PPM1L: variants seen among roughly 807,000 people sequenced by gnomAD.
The protein encoded by PPM1L is protein phosphatase 1L.
PPM1L carries 13 observed loss-of-function variants against 31.4 expected under a neutral mutation model. The ratio of observed to expected loss-of-function variants is 0.41; its 90% confidence interval spans 0.27 to 0.66. The LOEUF (loss-of-function observed/expected upper bound fraction) is 0.66, where lower values mean the gene tolerates loss of function less well. Ranked by LOEUF, PPM1L falls within the 30% of genes least tolerant of loss-of-function variation. PPM1L has a pLI of 0.29. For synonymous variants in PPM1L, 184 were observed against 175.4 expected (o/e 1.05, Z -0.39); for missense variants, 326 against 453.7 (o/e 0.72, Z 2.56).
At chr3:161,015,642 C>T (rs1252916756) in intron 2 of PPM1L, among the ~76,000 whole-genome samples, 4 of 152,154 alleles carry the variant, frequency 2.6e-5, no homozygotes, top group South Asian at 4.1e-4. Context: ...AATATTTCAG[C>T]TCTGAGGCTT....
intron 1 of PPM1L, chr3:160,842,373 T>A (rs1713910859): frequency 2.9e-6 from 2 of 694,484 alleles, no homozygotes; most frequent in Non-Finnish European, 5.3e-6. Flanking sequence ...GAGAGGTAGG[T>A]TGAATTCAAA....
chr3:160,928,727 C>A (rs1714683011), intron 1 of PPM1L, among the ~76,000 whole-genome samples: 1 of 152,138 alleles, frequency 6.6e-6, no homozygotes, highest in South Asian at 2.1e-4. Flanking sequence ...CTGGAGGGAA[C>A]TAGCTAGGTC....
At chr3:160,763,173 A>G (rs752783360) in intron 1 of PPM1L, among the ~76,000 whole-genome samples, 16 of 152,198 alleles carry the variant, frequency 1.1e-4, no homozygotes, top group Non-Finnish European at 1.6e-4. Context: ...ATTGCCAGCC[A>G]TAATTTGAAG....
At chr3:160,831,550 G>T (rs1357076813) in intron 1 of PPM1L, among the ~76,000 whole-genome samples, 1 of 152,198 alleles carries the variant, frequency 6.6e-6, no homozygotes, top group Non-Finnish European at 1.5e-5. Flanking sequence ...GTACAAAAAA[G>T]ATTTCGAGGA....
At chr3:161,008,496 G>A (rs987217467) in intron 2 of PPM1L, among the ~76,000 whole-genome samples, 1 of 152,122 alleles carries the variant, frequency 6.6e-6, no homozygotes, top group Non-Finnish European at 1.5e-5. Flanking sequence ...AACTATGATC[G>A]AGGACATTTA....
chr3:160,886,840 G>A (rs1712934194), intron 1 of PPM1L, among the ~76,000 whole-genome samples: 2 of 152,080 alleles, frequency 1.3e-5, no homozygotes, highest in African/African-American at 4.8e-5. Context: ...TCAAGGAACA[G>A]AACTAGATGG....
chr3:160,995,817 G>A (rs112147284), intron 2 of PPM1L, among the ~76,000 whole-genome samples: 1 of 152,104 alleles, frequency 6.6e-6, no homozygotes, highest in Non-Finnish European at 1.5e-5. Flanking sequence ...TTGATAAATC[G>A]ATCATGGGAA....
intron 1 of PPM1L, among the ~76,000 whole-genome samples, chr3:160,820,820 G>A (rs1455609951): frequency 1.3e-5 from 2 of 151,978 alleles, no homozygotes; most frequent in African/African-American, 4.8e-5. Flanking sequence ...TTGGCAATAT[G>A]TTGTTCCTAT....
chr3:161,003,552 C>A (rs954100235), intron 2 of PPM1L, among the ~76,000 whole-genome samples: 2 of 151,740 alleles, frequency 1.3e-5, no homozygotes, highest in Non-Finnish European at 2.9e-5. Context: ...AGAGGTCCTT[C>A]ACATCCCTTG....
intron 2 of PPM1L, among the ~76,000 whole-genome samples, chr3:161,047,819 TA>T (rs561211581): frequency 1.3e-5 from 2 of 152,180 alleles, no homozygotes; most frequent in East Asian, 3.9e-4. Flanking sequence ...CAAACCTGAC[TA>T]AAACAAGAAA....
At chr3:160,916,528 G>A (rs1049499950) in intron 1 of PPM1L, among the ~76,000 whole-genome samples, 2 of 152,016 alleles carry the variant, frequency 1.3e-5, no homozygotes, top group Non-Finnish European at 2.9e-5. Flanking sequence ...GAAAAATATC[G>A]ATAAAAATAT....
intron 1 of PPM1L, among the ~76,000 whole-genome samples, chr3:160,922,947 A>T (rs1045920889): frequency 6.6e-6 from 1 of 152,198 alleles, no homozygotes; most frequent in Non-Finnish European, 1.5e-5. Flanking sequence ...GTACCTAAAT[A>T]TTGGACCTGA....
intron 1 of PPM1L, among the ~76,000 whole-genome samples, chr3:160,843,782 T>C (rs916597715): frequency 5.3e-5 from 8 of 152,056 alleles, no homozygotes; most frequent in Non-Finnish European, 1.0e-4. Context: ...CATTACTGGG[T>C]ATATACCCAA....
At chr3:160,816,230 T>A (rs1262155614) in intron 1 of PPM1L, among the ~76,000 whole-genome samples, 1 of 151,640 alleles carries the variant, frequency 6.6e-6, no homozygotes, top group Non-Finnish European at 1.5e-5. Flanking sequence ...TGTCTATGTG[T>A]GTGTACATTT....
chr3:160,998,480 C>CT (rs980077880), intron 2 of PPM1L, among the ~76,000 whole-genome samples: 2 of 151,928 alleles, frequency 1.3e-5, no homozygotes, highest in Non-Finnish European at 2.9e-5. Context: ...TCTTCCCTCC[C>CT]TTTTTTTTCC....
chr3:161,040,149 C>CT (rs1433861695), intron 2 of PPM1L, among the ~76,000 whole-genome samples: 1 of 152,150 alleles, frequency 6.6e-6, no homozygotes, highest in Non-Finnish European at 1.5e-5. Flanking sequence ...TATTAGCTGG[C>CT]TAAGTGCTGG....
rs776911630 is a variant in PPM1L, at chr3:160,903,496, A to G, written c.400-58240A>G. ...TGATTGTGATATTGATCACATTCTCAAAATACCTTAAAAGCAACATCTAGA... is the reference window on the plus strand; with the variant it reads ...TGATTGTGATATTGATCACATTCTCGAAATACCTTAAAAGCAACATCTAGA... On this transcript the variant is annotated intron_variant, in intron 1 of 3. Transcript: ENST00000498165. Among the ~76,000 whole-genome samples the G allele has an allele frequency of 7.2e-5, 11 of 152,164 alleles. No homozygotes were observed. In the East Asian group the frequency reaches 2.1e-3, roughly 29 times the overall value.
chr3:160,863,017 A>G (rs1336175008), intron 1 of PPM1L, among the ~76,000 whole-genome samples: 1 of 152,176 alleles, frequency 6.6e-6, no homozygotes, highest in Non-Finnish European at 1.5e-5. Flanking sequence ...TTTGACAGCC[A>G]CTTATTCATT....
At chr3:160,777,752 C>CCATT (rs983611433) in intron 1 of PPM1L, among the ~76,000 whole-genome samples, 2 of 151,962 alleles carry the variant, frequency 1.3e-5, no homozygotes, top group Admixed American at 6.6e-5. Context: ...TTTTGTTTAT[C>CCATT]CATTCATTCA....
Sources: gnomAD v4.1 joint callset for allele counts (sites outside exome capture counted in the v4.1 genomes callset) on GRCh38, gnomAD v4.1.1 for gene constraint, MANE v1.5 for transcripts, NCBI Gene and HGNC (gene_info 2026-07-23, HGNC 2026-07-21) for gene names.